Variants in DNAH1 observed in about 807,000 individuals in gnomAD.
The protein encoded by DNAH1 is axonemal beta dynein heavy chain 1.
A neutral mutation model predicts 484.3 loss-of-function variants in DNAH1; 327 were observed. The observed-to-expected ratio is 0.68, with a 90% CI of 0.62 to 0.74. The LOEUF (loss-of-function observed/expected upper bound fraction) is 0.74. Ranked by LOEUF, DNAH1 falls within the 30% of genes least tolerant of loss-of-function variation. DNAH1 has a pLI of 0.00. For missense variants in DNAH1, 5,052 were observed against 5,546.8 expected, an observed-to-expected ratio of 0.91 and a Z score of 2.83; for synonymous variants, 2,192 against 2,191.9, an observed-to-expected ratio of 1.00 and a Z score of 0.00.
chr3:52,370,874 G>A (rs1275194012), intron 41 of DNAH1, 49 bp downstream of exon 41: 1 of 1,534,624 alleles, frequency 6.5e-7, no homozygotes, highest in Non-Finnish European at 8.8e-7. Flanking sequence ...ACCACTGGGT[G>A]GCTGCTGTTC....
At chr3:52,380,797 C>T (rs1703811920) in intron 48 of DNAH1, among the ~76,000 whole-genome samples, 1 of 152,202 alleles carries the variant, frequency 6.6e-6, no homozygotes. Flanking sequence ...TGGAGTCGCC[C>T]CAAAAGTGAC....
chr3:52,349,184 G>C lies in DNAH1; in HGVS notation c.2301-11G>C, dbSNP rs1235277215. ...ATCCTCTGCCCCCTCCCGTGTGCTT[G>C]CTGTCCTCAGAACCTACCAGACGCA... On this transcript the variant is annotated splice_polypyrimidine_tract_variant and intron_variant, in intron 13 of 77. Coordinates refer to ENST00000420323, the MANE Select transcript of DNAH1 (RefSeq NM_015512.5). 1.2e-6 allele frequency: 2 copies of C among 1,612,858 alleles called. No homozygotes were observed. Among genetic ancestry groups the C allele is most frequent in the Non-Finnish European group, 1.7e-6 (2 of 1,179,360 alleles).
At position 52,346,619 on chromosome 3, in the gene DNAH1, C is replaced by T. The variant is rs1702154096; in HGVS notation, c.1804C>T (p.Leu602=). ...LMSKLRKLME[L]VKYMLQDTLR... The stretch of plus-strand genomic sequence containing the variant: ...GTCCAAGCTGCGCAAGCTGATGGAG[C>T]TGGTGAAGTACATGCTGCAGGACAC... The change falls in exon 11 of 78, where the codon CTG becomes TTG. Residue 602 remains leucine (L), a synonymous_variant. Coordinates refer to ENST00000420323, the MANE Select transcript of DNAH1 (RefSeq NM_015512.5). 6.2e-7 allele frequency: 1 copy of T among 1,614,038 alleles called. No individual in the cohort carries two copies. Among genetic ancestry groups the T allele is most frequent in the Non-Finnish European group, 8.5e-7 (1 of 1,179,882 alleles).
rs749479420 is a variant in DNAH1 at position 52,397,882 on chromosome 3, G to C, written c.11958+5G>C. ...GGCAGCCAGGGCCGGGAGGAGGTGG[G>C]TGGTGTCAGAGTAAGGGGCCCAAGG... is the stretch of plus-strand genomic sequence containing the variant. On this transcript the variant is annotated splice_donor_5th_base_variant and intron_variant, in intron 74 of 77. Coordinates refer to ENST00000420323, the MANE Select transcript of DNAH1 (RefSeq NM_015512.5). The C allele has an allele frequency of 5.6e-6, 9 of 1,596,424 alleles. No homozygotes were observed. Among genetic ancestry groups the C allele is most frequent in the Admixed American group, 1.7e-5 (1 of 58,900 alleles).
At chr3:52,398,646 T>C (rs1156412911) in intron 75 of DNAH1, among the ~76,000 whole-genome samples, 1 of 152,012 alleles carries the variant, frequency 6.6e-6, no homozygotes, top group Non-Finnish European at 1.5e-5. Flanking sequence ...GACCCCAAAA[T>C]GTTCCGTAAG....
At chr3:52,397,587 T>C (rs1704691496) in intron 73 of DNAH1, 120 bp from the exon 74 acceptor site, 2 of 938,022 alleles carry the variant, frequency 2.1e-6, no homozygotes, top group Non-Finnish European at 3.1e-6. Flanking sequence ...TGCATAAGGG[T>C]TATGAGCAGG....
chr3:52,383,655 G>A, intron 51 of DNAH1, 61 bp downstream of exon 51: 1 of 1,476,262 alleles, frequency 6.8e-7, no homozygotes, highest in Non-Finnish European at 9.0e-7. Context: ...ACATGGGCTG[G>A]CCCCGGGGAC....
At chr3:52,324,326 C>T (rs768253400) in intron 3 of DNAH1, among the ~76,000 whole-genome samples, 3 of 152,216 alleles carry the variant, frequency 2.0e-5, no homozygotes, top group Non-Finnish European at 4.4e-5. Flanking sequence ...GGACTCTCCT[C>T]TCAGGCTCAT....
chr3:52,375,114 ATGTATT>A (rs1004008299), intron 44 of DNAH1, 120 bp from the exon 45 acceptor site: 66 of 1,089,534 alleles, frequency 6.1e-5, no homozygotes, highest in Non-Finnish European at 8.2e-5. Flanking sequence ...TGTAATATTG[ATGTATT>A]TGTCTTTATT....
At chr3:52,382,054 A>G (rs1168190050) in intron 49 of DNAH1, among the ~76,000 whole-genome samples, 1 of 152,158 alleles carries the variant, frequency 6.6e-6, no homozygotes, top group Non-Finnish European at 1.5e-5. Context: ...TGGTGCAGGC[A>G]TCCCAGAGGG....
At chr3:52,356,828 G>T in intron 22 of DNAH1, 50 bp downstream of exon 22, 1 of 1,551,796 alleles carries the variant, frequency 6.4e-7, no homozygotes, top group Non-Finnish European at 8.7e-7. Flanking sequence ...AAGGGCCCTG[G>T]TCACATTGCT....
In DNAH1 at chr3:52,353,642, C is replaced by T; in HGVS notation, c.3480+9C>T. 1 of 1,567,928 alleles carries T rather than the reference C, an allele frequency of 6.4e-7. No individual in the cohort carries two copies. The highest frequency in any genetic ancestry group is 8.6e-7 in the Non-Finnish European group (1 of 1,159,402). On this transcript the variant is annotated intron_variant, in intron 20 of 77. Transcript: ENST00000420323. The surrounding 1 kb of genome is among the most constrained non-coding windows in gnomAD (Gnocchi z 5.0). ...AGTACGCCATCGAGCAGGTGGGTAG[C>T]CACCAGCGGGCCCAGCCACTCCAGC...
chr3:52,393,133 C>T, intron 65 of DNAH1, 108 bp downstream of exon 65: 1 of 1,452,148 alleles, frequency 6.9e-7, no homozygotes, highest in African/African-American at 1.4e-5. Flanking sequence ...GGCGTACACT[C>T]TCCTCTTAGA....
At position 52,349,088 on chromosome 3, in the gene DNAH1, AC is replaced by A. The variant is rs1307737089; in HGVS notation, c.2300+8del. On this transcript the variant is annotated splice_region_variant and intron_variant, in intron 13 of 77. Transcript: ENST00000420323. ...ACATTGCCTCCTTTCTCAAGTGCGT[AC>A]GTGTGCCCATGCACGTCGGAGGGTG... 10 of 1,612,916 alleles carry A rather than the reference AC, an allele frequency of 6.2e-6. No individual in the cohort carries two copies. The highest frequency in any genetic ancestry group is 8.5e-6 in the Non-Finnish European group (10 of 1,179,656).
At position 52,388,787 on chromosome 3, in the gene DNAH1, C is replaced by G. The variant is rs1704233943; in HGVS notation, c.9364-19C>G. On this transcript the variant is annotated intron_variant, in intron 58 of 77. Coordinates refer to ENST00000420323, the MANE Select transcript of DNAH1 (RefSeq NM_015512.5). ...TAGCCCAGCCTCCCAGAGCCCACCC[C>G]ACGGGGCTGCCCCTCCAGCTCATCA... is the stretch of plus-strand genomic sequence containing the variant. The G allele has an allele frequency of 9.3e-6, 15 of 1,612,506 alleles. No individual in the cohort carries two copies. Among genetic ancestry groups the G allele is most frequent in the Non-Finnish European group, 1.2e-5 (14 of 1,179,788 alleles).
Position 52,385,335 on chromosome 3 carries a change from AGCT to A in DNAH1, c.8519_8521del (p.Leu2840del). On this transcript the variant is annotated splice_acceptor_variant and coding_sequence_variant, in exon 54 of 78. Coordinates refer to ENST00000420323, the MANE Select transcript of DNAH1 (RefSeq NM_015512.5). LOFTEE classifies it high-confidence loss of function. ...TTTTCCTGTCTCTGCCCTGACCCCTAGCTGCTGCGCACTTCTGAGGATGTAGCC... is the reference window on the plus strand; with the variant it reads ...TTTTCCTGTCTCTGCCCTGACCCCTAGCTGCGCACTTCTGAGGATGTAGCC... 6.4e-7 allele frequency: 1 copy of A among 1,551,960 alleles called. No homozygotes were observed. Among genetic ancestry groups the A allele is most frequent in the Non-Finnish European group, 8.7e-7 (1 of 1,147,080 alleles).
Position 52,357,689 on chromosome 3 carries a change from A to C in DNAH1, c.3934A>C (p.Lys1312Gln). The C allele has an allele frequency of 6.3e-7, 1 of 1,591,662 alleles. No homozygotes were observed. Among genetic ancestry groups the C allele is most frequent in the South Asian group, 1.1e-5 (1 of 87,770 alleles). The change falls in exon 23 of 78, where the codon AAG (lysine) becomes CAG (glutamine). Residue 1312 changes from lysine (K) to glutamine (Q), a missense_variant. Lys to Gln is a moderately conservative substitution (Grantham distance 53). This residue lies in a region of DNAH1 where 2,929 missense variants were observed against 3,409.4 expected (regional missense o/e 0.86). Coordinates refer to ENST00000420323, the MANE Select transcript of DNAH1 (RefSeq NM_015512.5). Reference sequence around the variant, plus strand: ...CAACAAGATTCTGGACCTGGTGCAGAAGGGCCTCAGCGAGTATCTGGAGAC... The same window carrying C: ...CAACAAGATTCTGGACCTGGTGCAGCAGGGCCTCAGCGAGTATCTGGAGAC... ...DCNKILDLVQ[K>Q]GLSEYLETKR...
At chr3:52,332,542 G>T (rs1701596715) in intron 8 of DNAH1, 148 bp downstream of exon 8, 2 of 1,202,120 alleles carry the variant, frequency 1.7e-6, no homozygotes, top group South Asian at 3.2e-5. Context: ...ACTTGTTGGG[G>T]CCTCAAACAA....
intron 7 of DNAH1, among the ~76,000 whole-genome samples, 174 bp from the exon 8 acceptor site, chr3:52,331,968 T>C (rs1192699415): frequency 1.3e-5 from 2 of 152,166 alleles, no homozygotes; most frequent in African/African-American, 4.8e-5. Context: ...CCTTGTGAGA[T>C]GGGCCGGGCA....
Sources: allele counts gnomAD v4.1 joint callset (sites outside exome capture counted in the v4.1 genomes callset), GRCh38; gene constraint gnomAD v4.1.1; regional missense constraint gnomAD v4.1.1; non-coding constraint Gnocchi (gnomAD v3.1); transcripts MANE v1.5; gene names NCBI Gene and HGNC (gene_info 2026-07-23, HGNC 2026-07-21).